The following GPHN variants were observed in gnomAD, a reference collection of about 807,000 sequenced individuals.
GPHN encodes the protein gephyrin.
Under a neutral mutation model 95.5 loss-of-function variants are expected in GPHN, and 17 were observed. The observed-to-expected ratio is 0.18, with a 90% CI of 0.12 to 0.27. The LOEUF is 0.27. Among genes scored for constraint, GPHN ranks in the 10% least tolerant of loss-of-function variants. GPHN has a pLI of 1.00. For missense variants in GPHN, 660 were observed against 978.1 expected (o/e 0.67, Z 4.34); for synonymous variants, 320 against 322.5 (o/e 0.99, Z 0.08).
chr14:67,425,895 C>T, the GPHN span, among the ~76,000 whole-genome samples: 1 of 151,514 alleles, frequency 6.6e-6, no homozygotes, highest in African/African-American at 2.4e-5. Flanking sequence ...CCACACCCCA[C>T]ATCTTGTCTC....
the GPHN span, among the ~76,000 whole-genome samples, chr14:67,619,336 T>C: frequency 6.6e-6 from 1 of 152,256 alleles, no homozygotes; most frequent in Admixed American, 6.5e-5. Context: ...CCTAACCTCT[T>C]TCATTCAAAA....
rs576537075 is a variant in GPHN at position 66,825,293 on chromosome 14, C to G, written c.294+727C>G. ...TTGTTTCCTTTACCTACCCAACCCC[C>G]CAAAAGTGTTTCTTGGATCAGTTTC... is the stretch of plus-strand genomic sequence containing the variant. On this transcript the variant is annotated intron_variant, in intron 4 of 22. Transcript: ENST00000478722. Among the ~76,000 whole-genome samples the G allele has an allele frequency of 1.3e-4, 20 of 152,100 alleles. No individual in the cohort carries two copies. The South Asian group carries it at 4.1e-3, about 32-fold the overall frequency.
the GPHN span, among the ~76,000 whole-genome samples, chr14:67,517,339 G>A: frequency 6.6e-6 from 1 of 152,228 alleles, no homozygotes; most frequent in Non-Finnish European, 1.5e-5. Flanking sequence ...GGCTGGAAAG[G>A]CTTCGGAAGA....
At chr14:66,887,963 G>A (rs543416716) in intron 5 of GPHN, among the ~76,000 whole-genome samples, 1 of 152,236 alleles carries the variant, frequency 6.6e-6, no homozygotes, top group East Asian at 1.9e-4. Context: ...CATAAACAGT[G>A]CCTTTGATGG....
intron 1 of GPHN, among the ~76,000 whole-genome samples, chr14:66,611,758 C>G (rs2062790815): frequency 6.6e-6 from 1 of 152,156 alleles, no homozygotes; most frequent in South Asian, 2.1e-4. Context: ...CCATCAAATA[C>G]CAGCTCTACT....
the GPHN span, among the ~76,000 whole-genome samples, chr14:67,628,595 T>C: frequency 1.3e-5 from 2 of 152,190 alleles, no homozygotes; most frequent in African/African-American, 2.4e-5. Context: ...TTATCAAAAG[T>C]TTTTTGATAC....
the GPHN span, among the ~76,000 whole-genome samples, chr14:67,274,044 G>A: frequency 2.0e-5 from 3 of 151,964 alleles, no homozygotes; most frequent in Non-Finnish European, 4.4e-5. Context: ...ATGGGTAGAC[G>A]GTGAAAATTT....
At chr14:67,007,396 A>G (rs1446142362) in intron 9 of GPHN, among the ~76,000 whole-genome samples, 1 of 152,230 alleles carries the variant, frequency 6.6e-6, no homozygotes, top group East Asian at 1.9e-4. Flanking sequence ...ATATAAATAA[A>G]CAAAAAATGT....
chr14:67,476,526 G>T, the GPHN span, among the ~76,000 whole-genome samples: 886 of 152,232 alleles, frequency 5.8e-3, 2 homozygotes, highest in African/African-American at 0.02. Flanking sequence ...GGCGGAGGTT[G>T]CAGTGAGCCA....
Position 67,179,398 on chromosome 14 carries a change from A to G in GPHN, c.2080-180A>G, listed in dbSNP as rs144240257. Among the ~76,000 whole-genome samples, 36 of 152,328 alleles carry G rather than the reference A, an allele frequency of 2.4e-4. No individual in the cohort carries two copies. In the East Asian group the frequency reaches 6.9e-3, roughly 29 times the overall value. The stretch of plus-strand genomic sequence containing the variant: ...GAGACCTTGTGTCAAAAGAAAAAAT[A>G]CATTTTTAATTAAATTTTATTTAAA... On this transcript the variant is annotated intron_variant, in intron 21 of 22. Transcript: ENST00000478722.
chr14:67,423,160 C>A, the GPHN span, among the ~76,000 whole-genome samples: 1 of 152,048 alleles, frequency 6.6e-6, no homozygotes, highest in Non-Finnish European at 1.5e-5. Flanking sequence ...GCCCTGTCAT[C>A]ATCAGTGTCT....
chr14:66,797,935 A>G (rs1184888643), intron 3 of GPHN, among the ~76,000 whole-genome samples: 1 of 151,910 alleles, frequency 6.6e-6, no homozygotes, highest in African/African-American at 2.4e-5. Flanking sequence ...GTTTTTCCCC[A>G]TTCATTATGA....
chr14:66,810,083 T>TA (rs2060699368), intron 3 of GPHN, among the ~76,000 whole-genome samples: 1 of 151,992 alleles, frequency 6.6e-6, no homozygotes, highest in African/African-American at 2.4e-5. Flanking sequence ...CTAATTATTA[T>TA]ATAATATATT....
At chr14:67,489,343 T>C in the GPHN span, among the ~76,000 whole-genome samples, 1 of 152,142 alleles carries the variant, frequency 6.6e-6, no homozygotes, top group Non-Finnish European at 1.5e-5. Flanking sequence ...CCAAATCTCA[T>C]CCTTAAGGCA....
intron 9 of GPHN, among the ~76,000 whole-genome samples, chr14:66,991,620 C>CAA (rs11429395): frequency 2.0e-4 from 27 of 132,692 alleles, no homozygotes; most frequent in South Asian, 7.1e-4. Context: ...TCCAATATAG[C>CAA]AAAAAAAAAA....
intron 3 of GPHN, among the ~76,000 whole-genome samples, chr14:66,797,692 C>T (rs1430438098): frequency 6.6e-6 from 1 of 151,798 alleles, no homozygotes; most frequent in African/African-American, 2.4e-5. Flanking sequence ...CCTGTAACTT[C>T]ACTGAATTTA....
the GPHN span, chr14:67,412,167 G>T: frequency 1.1e-6 from 1 of 921,474 alleles, no homozygotes; most frequent in Non-Finnish European, 1.5e-6. Context: ...CCAGGAAGCA[G>T]CTCCGACGCG....
chr14:67,018,626 G>A (rs777955112), intron 9 of GPHN, among the ~76,000 whole-genome samples: 99 of 152,222 alleles, frequency 6.5e-4, no homozygotes, highest in African/African-American at 1.3e-3. Context: ...ACTGAGAAAC[G>A]TATAACTGTA....
At chr14:67,468,739 A>T in the GPHN span, among the ~76,000 whole-genome samples, 1 of 152,132 alleles carries the variant, frequency 6.6e-6, no homozygotes, top group African/African-American at 2.4e-5. Context: ...ACTAAAAAAT[A>T]CAAAAATTAG....
Sources: allele counts gnomAD v4.1 joint callset (sites outside exome capture counted in the v4.1 genomes callset), GRCh38; gene constraint gnomAD v4.1.1; transcripts MANE v1.5; gene names NCBI Gene and HGNC (gene_info 2026-07-23, HGNC 2026-07-21).